The following MGMT variants were observed in gnomAD, a reference collection of about 807,000 sequenced individuals.
MGMT encodes the protein methylated-DNA--protein-cysteine methyltransferase.
In MGMT, 14 loss-of-function variants were observed where a neutral mutation model predicts 15.9. The observed-to-expected ratio is 0.88, with a 90% CI of 0.58 to 1.37. The LOEUF (loss-of-function observed/expected upper bound fraction) is 1.37. MGMT is among the 40% of genes most tolerant of loss of function. MGMT has a pLI of 0.00. For missense variants in MGMT, 282 were observed against 268.1 expected, an observed-to-expected ratio of 1.05 and a Z score of -0.36; for synonymous variants, 130 against 118.2, an observed-to-expected ratio of 1.10 and a Z score of -0.65.
At chr10:129,708,192 G>A (rs958072025) in intron 3 of MGMT, 149 bp downstream of exon 3, 17 of 1,050,168 alleles carry the variant, frequency 1.6e-5, no homozygotes, top group Non-Finnish European at 2.3e-5. Context: ...TGGAGGGACG[G>A]GGGTTCGCCG....
rs1031156380 is a variant in MGMT, at chr10:129,642,980, T to C, written c.126-64915T>C. Among the ~76,000 whole-genome samples the C allele has an allele frequency of 3.9e-5, 6 of 151,942 alleles. No individual in the cohort carries two copies. The East Asian group carries it at 7.7e-4, about 20-fold the overall frequency. On this transcript the variant is annotated intron_variant, in intron 2 of 4. Transcript: ENST00000651593. ...GGTAATAAAAGAGCACCAGGAAGCA[T>C]AGGTGATGCACCTCCCATGTAGAGA...
chr10:129,483,227 T>C (rs1344198670), intron 1 of MGMT, among the ~76,000 whole-genome samples: 2 of 152,244 alleles, frequency 1.3e-5, no homozygotes, highest in Non-Finnish European at 2.9e-5. Context: ...TTTGTTATAT[T>C]ATTGCTACAT....
At chr10:129,761,959 C>T (rs897875786) in intron 4 of MGMT, among the ~76,000 whole-genome samples, 3 of 152,228 alleles carry the variant, frequency 2.0e-5, no homozygotes, top group African/African-American at 7.2e-5. Flanking sequence ...CCTTCAGCTA[C>T]GTAGTTTACT....
chr10:129,550,477 C>T (rs1407797692), intron 2 of MGMT, among the ~76,000 whole-genome samples: 1 of 149,736 alleles, frequency 6.7e-6, no homozygotes, highest in Non-Finnish European at 1.5e-5. Context: ...GACTTAATCT[C>T]GCTCTGTCAC....
intron 3 of MGMT, among the ~76,000 whole-genome samples, chr10:129,726,938 G>A (rs1248111504): frequency 1.3e-5 from 2 of 152,180 alleles, no homozygotes; most frequent in Admixed American, 6.5e-5. Flanking sequence ...TTGAGAACTT[G>A]GGAGATGTTG....
At position 129,707,924 on chromosome 10, in the gene MGMT, T is replaced by G; in HGVS notation, c.155T>G (p.Val52Gly). Residue 52 changes from valine (V) to glycine (G), a missense_variant, in exon 3 of 5, where the codon GTT (valine) becomes GGT (glycine). Transcript: ENST00000651593. ...DAVEVPAPAA[V>G]LGGPEPLMQC... ...GTGGAGGTCCCAGCCCCCGCTGCGG[T>G]TCTCGGAGGTCCGGAGCCCCTGATG... 6.2e-7 allele frequency: 1 copy of G among 1,612,352 alleles called. No individual in the cohort carries two copies. The highest frequency in any genetic ancestry group is 1.1e-5 in the South Asian group (1 of 91,044).
intron 2 of MGMT, among the ~76,000 whole-genome samples, chr10:129,577,656 C>T (rs1287500950): frequency 1.3e-5 from 2 of 152,162 alleles, no homozygotes; most frequent in Non-Finnish European, 2.9e-5. Flanking sequence ...ACACCAAAAG[C>T]AATGGCAACA....
chr10:129,528,524 G>A (rs1193247355), intron 1 of MGMT, among the ~76,000 whole-genome samples: 2 of 151,780 alleles, frequency 1.3e-5, no homozygotes, highest in African/African-American at 2.4e-5. Context: ...GGCGGGGGGA[G>A]CGGGGGCGTG....
intron 3 of MGMT, among the ~76,000 whole-genome samples, chr10:129,732,701 T>TC (rs1011382430): frequency 5.7e-5 from 7 of 122,690 alleles, no homozygotes; most frequent in Non-Finnish European, 1.2e-4. Context: ...ATGCTATCCC[T>TC]CCCCCGTCCC....
At chr10:129,716,284 C>G (rs114752371) in intron 3 of MGMT, among the ~76,000 whole-genome samples, 1 of 152,160 alleles carries the variant, frequency 6.6e-6, no homozygotes, top group Non-Finnish European at 1.5e-5. Flanking sequence ...CCACCCTCTC[C>G]GCCAGTAAAT....
intron 2 of MGMT, among the ~76,000 whole-genome samples, chr10:129,621,269 T>TCA (rs1331717083): frequency 5.3e-5 from 8 of 152,212 alleles, no homozygotes; most frequent in African/African-American, 1.9e-4. Flanking sequence ...TGCAAGACCT[T>TCA]CACCACAGTG....
chr10:129,649,458 G>A (rs1400589899), intron 2 of MGMT, among the ~76,000 whole-genome samples: 1 of 152,190 alleles, frequency 6.6e-6, no homozygotes, highest in Non-Finnish European at 1.5e-5. Context: ...TAAAAGTTGG[G>A]AGGAAGATAT....
intron 1 of MGMT, among the ~76,000 whole-genome samples, chr10:129,476,757 G>C (rs1365373548): frequency 6.6e-6 from 1 of 152,108 alleles, no homozygotes; most frequent in Non-Finnish European, 1.5e-5. Context: ...TGCTACAAGG[G>C]GCCGGGGACC....
At chr10:129,608,812 T>TGC (rs1203896431) in intron 2 of MGMT, among the ~76,000 whole-genome samples, 8 of 152,246 alleles carry the variant, frequency 5.3e-5, no homozygotes, top group Admixed American at 5.2e-4. Context: ...GCCCAGCGCG[T>TGC]GCTCCCCAGC....
chr10:129,739,732 C>G (rs1848608746), intron 3 of MGMT, among the ~76,000 whole-genome samples: 1 of 152,172 alleles, frequency 6.6e-6, no homozygotes, highest in African/African-American at 2.4e-5. Context: ...TGAATGTGGC[C>G]CAACATAAAT....
chr10:129,711,137 C>T (rs1256664532), intron 3 of MGMT, among the ~76,000 whole-genome samples: 4 of 152,310 alleles, frequency 2.6e-5, no homozygotes, highest in Non-Finnish European at 4.4e-5. Flanking sequence ...CTGAAAGACC[C>T]TCTCTCCTGC....
At chr10:129,753,141 C>T (rs962944049) in intron 3 of MGMT, among the ~76,000 whole-genome samples, 1 of 152,150 alleles carries the variant, frequency 6.6e-6, no homozygotes, top group Non-Finnish European at 1.5e-5. Flanking sequence ...TTCAGCACTT[C>T]AAAAGTGCTG....
At chr10:129,519,398 A>G (rs1411486212) in intron 1 of MGMT, among the ~76,000 whole-genome samples, 1 of 152,258 alleles carries the variant, frequency 6.6e-6, no homozygotes, top group East Asian at 1.9e-4. Context: ...GGTTTTGGGT[A>G]TAATGTAACT....
chr10:129,756,214 C>T (rs1848804228), intron 3 of MGMT, among the ~76,000 whole-genome samples: 1 of 152,156 alleles, frequency 6.6e-6, no homozygotes, highest in Non-Finnish European at 1.5e-5. Context: ...ATAGCCATGT[C>T]CTTCAGATGC....
Sources: allele counts gnomAD v4.1 joint callset (sites outside exome capture counted in the v4.1 genomes callset), GRCh38; gene constraint gnomAD v4.1.1; transcripts MANE v1.5; gene names NCBI Gene and HGNC (gene_info 2026-07-23, HGNC 2026-07-21).